CLN6: variants seen among roughly 807,000 people sequenced by gnomAD.
CLN6 encodes CLN6 transmembrane ER protein, also known as ceroid-lipofuscinosis neuronal protein 6.
In CLN6, 22 loss-of-function variants were observed where a neutral mutation model predicts 33.3. The ratio of observed to expected loss-of-function variants is 0.66; its 90% CI spans 0.47 to 0.94. The LOEUF is 0.94. CLN6 is among the 40% of genes least tolerant of loss of function. CLN6 has a pLI of 0.00. For missense variants in CLN6, 387 were observed against 417.1 expected (o/e 0.93, Z 0.63); for synonymous variants, 201 against 174.6 (o/e 1.15, Z -1.19).
chr15:68,232,205 T>C (rs1428993025), upstream of CLN6, among the ~76,000 whole-genome samples: 1 of 150,134 alleles, frequency 6.7e-6, no homozygotes, highest in Non-Finnish European at 1.5e-5. The surrounding 1 kb of genome is among the most constrained non-coding windows in gnomAD (Gnocchi z 4.7). Flanking sequence ...TCGCCCAGGC[T>C]GGAGTGCAAT....
chr15:68,239,608 T>C (rs748782630), intron 1 of CLN6, among the ~76,000 whole-genome samples: 41 of 152,246 alleles, frequency 2.7e-4, no homozygotes, highest in African/African-American at 9.6e-4. Context: ...CATCCAAATA[T>C]ATAAAATAAA....
rs1346043137 is a variant in CLN6 at position 68,210,996 on chromosome 15, G to A, written c.542+267C>T. On this transcript the variant is annotated intron_variant, in intron 5 of 6. Coordinates refer to ENST00000249806, the MANE Select transcript of CLN6 (RefSeq NM_017882.3). The surrounding 1 kb of genome is among the most constrained non-coding windows in gnomAD (Gnocchi z 5.6). Reference sequence around the variant, plus strand: ...CTCGCTGCCCTCTGCTGGCCACAGCGGGCACTGAGGGCTGGGCGGGGGTGG... The same window carrying A: ...CTCGCTGCCCTCTGCTGGCCACAGCAGGCACTGAGGGCTGGGCGGGGGTGG... Among the ~76,000 whole-genome samples, 1 of 152,184 alleles carries A rather than the reference G, an allele frequency of 6.6e-6. No individual in the cohort carries two copies. Among genetic ancestry groups the A allele is most frequent in the Non-Finnish European group, 1.5e-5 (1 of 68,028 alleles).
Position 68,226,318 on chromosome 15 carries a change from C to CAA in CLN6, c.83+3182_83+3183dup, listed in dbSNP as rs35031604. Reference sequence around the variant, plus strand: ...TGGGTAACAGTGTGAGACTCCATCTCAAAAAAAAAAAAAAAAAAGAGTCTG... The same window carrying CAA: ...TGGGTAACAGTGTGAGACTCCATCTCAAAAAAAAAAAAAAAAAAAAGAGTCTG... On this transcript the variant is annotated intron_variant, in intron 1 of 6. Transcript: ENST00000249806. Among the ~76,000 whole-genome samples the CAA allele has an allele frequency of 1.0e-3, 66 of 63,178 alleles. 2 individuals carry two copies. In the East Asian group the frequency reaches 0.023, roughly 22 times the overall value. 41.4% of individuals were successfully genotyped at this position (63,178 alleles called of 152,430 possible).
Position 68,208,020 on chromosome 15 carries a change from C to T in CLN6, c.*120G>A. ...CACACGAATCCACGCACACGAGGCA[C>T]ACCCCACTCATGCTCTCGGTCTCTG... On this transcript the variant is annotated 3_prime_UTR_variant, in exon 7 of 7. Transcript: ENST00000249806. This position sits in a 1 kb window ranked among gnomAD's most constrained non-coding sequence, Gnocchi z 5.8. 1.9e-6 allele frequency: 2 copies of T among 1,075,208 alleles called. No individual in the cohort carries two copies. The highest frequency in any genetic ancestry group is 1.4e-5 in the South Asian group (1 of 71,286). 66.6% of individuals were successfully genotyped at this position (1,075,208 alleles called of 1,614,324 possible).
Position 68,209,774 on chromosome 15 carries a change from C to G in CLN6, c.543-15G>C. On this transcript the variant is annotated splice_polypyrimidine_tract_variant and intron_variant, in intron 5 of 6. Transcript: ENST00000249806. The surrounding 1 kb of genome is among the most constrained non-coding windows in gnomAD (Gnocchi z 4.9). ...AGGGGATGTACCTGTGACAGGAAGG[C>G]CAGTGTCTTAGAGGCCTGCTCAGCG... The G allele has an allele frequency of 6.2e-7, 1 of 1,612,452 alleles. No homozygotes were observed. Among genetic ancestry groups the G allele is most frequent in the South Asian group, 1.1e-5 (1 of 90,942 alleles).
chr15:68,224,313 C>CAGCAACCA (rs1245884175), intron 1 of CLN6, among the ~76,000 whole-genome samples: 1 of 142,742 alleles, frequency 7.0e-6, no homozygotes, highest in Non-Finnish European at 1.5e-5. Context: ...AGTGGACACT[C>CAGCAACCA]AGCAACCAGC....
intron 1 of CLN6, among the ~76,000 whole-genome samples, chr15:68,237,420 C>T (rs1046346326): frequency 3.3e-5 from 5 of 152,080 alleles, no homozygotes; most frequent in South Asian, 4.1e-4. Context: ...CCCAAAAGGT[C>T]GGGGCTGCAG....
chr15:68,253,158 TAA>T (rs1273896134), intron 1 of CLN6, among the ~76,000 whole-genome samples: 1 of 152,222 alleles, frequency 6.6e-6, no homozygotes, highest in Non-Finnish European at 1.5e-5. Flanking sequence ...AAGGCTGGTG[TAA>T]ATGGACATGT....
At position 68,248,965 on chromosome 15, in the gene CLN6, A is replaced by G. The variant is rs368898817; in HGVS notation, c.179+7725T>C. ...CAAAGAACTCAATAGCAAAACCAAC[A>G]ACAACAAAAAACAACAACAACAAAA... is the stretch of plus-strand genomic sequence containing the variant. On this transcript the variant is annotated intron_variant, in intron 1 of 6. Transcript: ENST00000538696. Among the ~76,000 whole-genome samples, 11 of 152,302 alleles carry G rather than the reference A, an allele frequency of 7.2e-5. No homozygotes were observed. The East Asian group carries it at 1.5e-3, about 21-fold the overall frequency.
chr15:68,218,376 G>T, intron 2 of CLN6, 160 bp downstream of exon 2: 1 of 610,750 alleles, frequency 1.6e-6, no homozygotes, highest in South Asian at 1.7e-5. Context: ...TGCCTGACGG[G>T]CCAAGTCATA....
At chr15:68,248,896 T>C (rs1450822827) in intron 1 of CLN6, among the ~76,000 whole-genome samples, 1 of 151,908 alleles carries the variant, frequency 6.6e-6, no homozygotes, top group Admixed American at 6.6e-5. Flanking sequence ...TTGCAAACTA[T>C]CCATATGACA....
chr15:68,250,685 T>G (rs1231264318), intron 1 of CLN6, among the ~76,000 whole-genome samples: 1 of 151,884 alleles, frequency 6.6e-6, no homozygotes, highest in Non-Finnish European at 1.5e-5. Context: ...GTAGCAGATT[T>G]TCATGGAGCA....
At chr15:68,224,491 G>A (rs1195990078) in intron 1 of CLN6, among the ~76,000 whole-genome samples, 3 of 151,678 alleles carry the variant, frequency 2.0e-5, no homozygotes, top group Non-Finnish European at 4.4e-5. Context: ...GCATGGTGGT[G>A]CACACCTGTA....
chr15:68,236,703 G>A lies in CLN6; in HGVS notation c.180-18053C>T, dbSNP rs1426144451. Among the ~76,000 whole-genome samples the A allele has an allele frequency of 6.6e-6, 1 of 152,164 alleles. No homozygotes were observed. The highest frequency in any genetic ancestry group is 6.5e-5 in the Admixed American group (1 of 15,284). On this transcript the variant is annotated intron_variant, in intron 1 of 6. Coordinates refer to the CLN6 transcript ENST00000538696. This position sits in a 1 kb window ranked among gnomAD's most constrained non-coding sequence, Gnocchi z 4.5. ...TTCTGTGAATATACTAAAAACCACT[G>A]AATTATATACTTCAAAAGGGTGAAT... is the stretch of plus-strand genomic sequence containing the variant.
Position 68,256,778 on chromosome 15 carries a change from C to T in CLN6, c.91G>A (p.Ala31Thr). 3 of 702,350 alleles carry T rather than the reference C, an allele frequency of 4.3e-6. No individual in the cohort carries two copies. Among genetic ancestry groups the T allele is most frequent in the Non-Finnish European group, 7.8e-6 (3 of 384,768 alleles). 43.5% of individuals were successfully genotyped at this position (702,350 alleles called of 1,614,324 possible). ...GGCTTGAAGGCTCGGCTCAAGCCCG[C>T]CTCGCCTCCCTCCCTCCTAGGGATG... The change falls in exon 1 of 7, where the codon GCG becomes ACG. Residue 31 changes from alanine (A) to threonine (T), a missense_variant. Transcript: ENST00000538696. The surrounding 1 kb of genome is among the most constrained non-coding windows in gnomAD (Gnocchi z 4.1).
intron 1 of CLN6, among the ~76,000 whole-genome samples, chr15:68,252,308 A>G (rs1377072983): frequency 6.6e-6 from 1 of 152,190 alleles, no homozygotes; most frequent in Non-Finnish European, 1.5e-5. Flanking sequence ...AAGACAAACC[A>G]GTAGGAAGAT....
In CLN6 at chr15:68,211,944, G is replaced by C; in HGVS notation, c.298-81C>G. 2 of 1,424,538 alleles carry C rather than the reference G, an allele frequency of 1.4e-6. No homozygotes were observed. Among genetic ancestry groups the C allele is most frequent in the Non-Finnish European group, 1.9e-6 (2 of 1,026,958 alleles). The allele number at this position is 1,424,538 out of a possible 1,614,324, so 88.2% of individuals were successfully genotyped here. ...ACCCTCTGCTTCCCCCCTCACACCT[G>C]GGGTGGGATGGACGCTTCCAGCTGG... On this transcript the variant is annotated intron_variant, in intron 3 of 6. Transcript: ENST00000249806. The surrounding 1 kb of genome is among the most constrained non-coding windows in gnomAD (Gnocchi z 5.9).
At chr15:68,254,072 G>A (rs1457943661) in intron 1 of CLN6, among the ~76,000 whole-genome samples, 1 of 150,000 alleles carries the variant, frequency 6.7e-6, no homozygotes, top group Non-Finnish European at 1.5e-5. Flanking sequence ...GTAGAGATGG[G>A]GTTTCACCGT....
intron 1 of CLN6, among the ~76,000 whole-genome samples, chr15:68,222,584 C>A (rs1206414346): frequency 6.6e-6 from 1 of 152,226 alleles, no homozygotes; most frequent in African/African-American, 2.4e-5. Flanking sequence ...AGAAGTGCCT[C>A]TGCCCGGCCG....
Sources: gnomAD v4.1 joint callset for allele counts (sites outside exome capture counted in the v4.1 genomes callset) on GRCh38, gnomAD v4.1.1 for gene constraint, Gnocchi (gnomAD v3.1) non-coding constraint, MANE v1.5 for transcripts, NCBI Gene and HGNC (gene_info 2026-07-23, HGNC 2026-07-21) for gene names.